SREBF2: variants seen among roughly 807,000 people sequenced by gnomAD.
SREBF2 encodes the protein sterol regulatory element binding transcription factor 2, also known as sterol regulatory element-binding protein 2.
A neutral mutation model predicts 113.1 loss-of-function variants in SREBF2; 55 were observed. The observed-to-expected ratio is 0.49, with a 90% CI of 0.39 to 0.61. The LOEUF is 0.61. Ranked by LOEUF, SREBF2 falls within the 20% of genes least tolerant of loss-of-function variation. The pLI, the probability that SREBF2 is intolerant of heterozygous loss-of-function variation, is 0.00. For missense variants in SREBF2, 1,349 were observed against 1,487.4 expected (o/e 0.91, Z 1.53); for synonymous variants, 593 against 605.7 (o/e 0.98, Z 0.31).
chr22:41,896,180 G>T (rs1024527235), intron 13 of SREBF2, among the ~76,000 whole-genome samples: 9 of 151,630 alleles, frequency 5.9e-5, no homozygotes, highest in African/African-American at 2.2e-4. Flanking sequence ...GAAATGTGAC[G>T]AGCTCAGCAG....
chr22:41,840,568 C>T (rs534800530), intron 1 of SREBF2, among the ~76,000 whole-genome samples: 1 of 152,220 alleles, frequency 6.6e-6, no homozygotes, highest in Non-Finnish European at 1.5e-5. Flanking sequence ...TTTCTACCAA[C>T]CTCATTCCAC....
intron 17 of SREBF2, 195 bp from the exon 18 acceptor site, chr22:41,904,668 G>C: frequency 1.4e-6 from 1 of 712,186 alleles, no homozygotes. Context: ...TGCTCCTGCT[G>C]TTCAGCCAGG....
intron 1 of SREBF2, among the ~76,000 whole-genome samples, chr22:41,848,546 G>A (rs926147809): frequency 1.3e-5 from 2 of 152,178 alleles, no homozygotes; most frequent in African/African-American, 4.8e-5. Context: ...TCTTGCATGG[G>A]TCGGGACTCT....
At chr22:41,863,151 A>C (rs953022786) in intron 1 of SREBF2, among the ~76,000 whole-genome samples, 1 of 152,250 alleles carries the variant, frequency 6.6e-6, no homozygotes, top group Non-Finnish European at 1.5e-5. Context: ...AAATTATCTT[A>C]TTAATCCTCA....
intron 1 of SREBF2, among the ~76,000 whole-genome samples, chr22:41,837,996 G>A (rs937677268): frequency 6.6e-6 from 1 of 152,036 alleles, no homozygotes; most frequent in Non-Finnish European, 1.5e-5. Flanking sequence ...ACTGCAGAAC[G>A]TCCTGTTGTC....
At chr22:41,894,972 C>G (rs1464772247) in intron 13 of SREBF2, 35 bp downstream of exon 13, 1 of 1,566,760 alleles carries the variant, frequency 6.4e-7, no homozygotes, top group Non-Finnish European at 8.8e-7. Context: ...TGCCTTAGGA[C>G]CTGTCCACGC....
At chr22:41,878,316 G>A (rs891384901) in intron 9 of SREBF2, among the ~76,000 whole-genome samples, 193 bp downstream of exon 9, 3 of 152,152 alleles carry the variant, frequency 2.0e-5, no homozygotes, top group Admixed American at 1.3e-4. Context: ...GATGATCTAT[G>A]TCTCCGGTAT....
At chr22:41,877,450 G>C in intron 8 of SREBF2, 29 bp downstream of exon 8, 1 of 1,611,766 alleles carries the variant, frequency 6.2e-7, no homozygotes, top group South Asian at 1.1e-5. Context: ...CCCCACCTGG[G>C]CATGGCTGGA....
Position 41,880,809 on chromosome 22 carries a change from C to T in SREBF2, c.1855C>T (p.Leu619Phe). 1 of 1,614,200 alleles carries T rather than the reference C, an allele frequency of 6.2e-7. No homozygotes were observed. Reference sequence around the variant, plus strand: ...CTCCCGCCTGGACCTGGCCTGCAGCCTCTCCTGGAACGTGATCCGCTACAG... The same window carrying T: ...CTCCCGCCTGGACCTGGCCTGCAGCTTCTCCTGGAACGTGATCCGCTACAG... ...PTSRLDLACS[L>F]SWNVIRYSLQ... Residue 619 changes from leucine to phenylalanine, a missense_variant, in exon 10 of 19, where the codon CTC becomes TTC. This residue lies in a region of SREBF2 where 699 missense variants were observed against 843.3 expected (regional missense o/e 0.83). Coordinates refer to ENST00000361204, the MANE Select transcript of SREBF2 (RefSeq NM_004599.4).
At chr22:41,860,311 G>A (rs1269905572) in intron 1 of SREBF2, among the ~76,000 whole-genome samples, 4 of 150,700 alleles carry the variant, frequency 2.7e-5, no homozygotes, top group African/African-American at 9.8e-5. Flanking sequence ...GGTTTACAAA[G>A]GAAGAAATGC....
chr22:41,862,494 C>T (rs1407662387), intron 1 of SREBF2, among the ~76,000 whole-genome samples: 2 of 152,156 alleles, frequency 1.3e-5, no homozygotes, highest in Non-Finnish European at 1.5e-5. Flanking sequence ...TGTGGCCTGC[C>T]GTAGGAACTG....
Position 41,833,418 on chromosome 22 carries a change from G to A in SREBF2, c.88+60G>A. ...GCGGGGAGGAAGGGGTTACGGCGGC[G>A]CGCCCGGGTGCGCGTGCGCCCACCC... On this transcript the variant is annotated intron_variant, in intron 1 of 18. Coordinates refer to ENST00000361204, the MANE Select transcript of SREBF2 (RefSeq NM_004599.4). This position sits in a 1 kb window ranked among gnomAD's most constrained non-coding sequence, Gnocchi z 4.1. The A allele has an allele frequency of 1.4e-6, 2 of 1,437,288 alleles. No homozygotes were observed. Among genetic ancestry groups the A allele is most frequent in the East Asian group, 2.7e-5 (1 of 37,120 alleles). 89.0% of individuals were successfully genotyped at this position (1,437,288 alleles called of 1,614,324 possible).
At chr22:41,878,544 T>A in intron 9 of SREBF2, 1 of 610,760 alleles carries the variant, frequency 1.6e-6, no homozygotes, top group East Asian at 6.6e-5. Flanking sequence ...TAGGCCCAAA[T>A]TGGAGAGGGC....
At chr22:41,852,289 A>G (rs2076939530) in intron 1 of SREBF2, among the ~76,000 whole-genome samples, 1 of 152,134 alleles carries the variant, frequency 6.6e-6, no homozygotes, top group South Asian at 2.1e-4. Flanking sequence ...TATATCCATC[A>G]GTTTGGATTA....
chr22:41,870,300 A>T (rs1013544699), intron 3 of SREBF2, among the ~76,000 whole-genome samples: 5 of 152,050 alleles, frequency 3.3e-5, no homozygotes, highest in Admixed American at 3.3e-4. Flanking sequence ...GGCCACTGGC[A>T]CCACCCTCTT....
chr22:41,838,681 C>G (rs908331715), intron 1 of SREBF2, among the ~76,000 whole-genome samples: 4 of 151,882 alleles, frequency 2.6e-5, no homozygotes, highest in African/African-American at 9.7e-5. Context: ...TGCAGTGAAC[C>G]CAGATTGTGC....
intron 13 of SREBF2, 21 bp downstream of exon 13, chr22:41,894,958 C>A: frequency 1.2e-6 from 2 of 1,603,068 alleles, no homozygotes; most frequent in Non-Finnish European, 1.7e-6. Context: ...CAGACCAGTC[C>A]CCCTGCCTTA....
Position 41,905,586 on chromosome 22 carries a change from G to A in SREBF2, c.3352G>A (p.Asp1118Asn), listed in dbSNP as rs1376733109. 4 of 1,598,900 alleles carry A rather than the reference G, an allele frequency of 2.5e-6. No individual in the cohort carries two copies. Among genetic ancestry groups the A allele is most frequent in the African/African-American group, 1.3e-5 (1 of 74,764 alleles). ...TGCCCGCACCCTGGAGAAGGTGGGC[G>A]ACCGGCGCTCCTGCAACGACTGCCA... ...EAARTLEKVGDRRSCNDCQQM... is the reference protein window; with the variant it reads ...EAARTLEKVGNRRSCNDCQQM... The change falls in exon 19 of 19, where the codon GAC becomes AAC. Residue 1118 changes from aspartate to asparagine, a missense_variant. By Grantham distance (23) the Asp-to-Asn change is conservative. Coordinates refer to ENST00000361204, the MANE Select transcript of SREBF2 (RefSeq NM_004599.4).
Position 41,881,136 on chromosome 22 carries a change from G to C in SREBF2, c.2038+144G>C. 2.7e-6 allele frequency: 3 copies of C among 1,117,400 alleles called. No individual in the cohort carries two copies. In the South Asian group the frequency reaches 4.6e-5, roughly 17 times the overall value. The allele number at this position is 1,117,400 out of a possible 1,614,324, so 69.2% of individuals were successfully genotyped here. On this transcript the variant is annotated intron_variant, in intron 10 of 18. Transcript: ENST00000361204. Reference sequence around the variant, plus strand: ...GAGTGGCTAGACCAAGCTTCTACCTGTTTTCACAGCTGTAAGGTTGGCTCT... The same window carrying C: ...GAGTGGCTAGACCAAGCTTCTACCTCTTTTCACAGCTGTAAGGTTGGCTCT...
Sources: gnomAD v4.1 joint callset for allele counts (sites outside exome capture counted in the v4.1 genomes callset) on GRCh38, gnomAD v4.1.1 for gene constraint, gnomAD v4.1.1 regional missense constraint, Gnocchi (gnomAD v3.1) non-coding constraint, MANE v1.5 for transcripts, NCBI Gene and HGNC (gene_info 2026-07-23, HGNC 2026-07-21) for gene names.